KSR2: variants seen among roughly 807,000 people sequenced by gnomAD.
KSR2 encodes kinase suppressor of ras 2.
Under a neutral mutation model 107.8 loss-of-function variants are expected in KSR2, and 25 were observed. The ratio of observed to expected loss-of-function variants is 0.23; its 90% CI spans 0.17 to 0.32. KSR2 has a LOEUF of 0.32. Ranked by LOEUF, KSR2 falls within the 10% of genes least tolerant of loss-of-function variation. KSR2 has a pLI of 1.00. For missense variants in KSR2, 887 were observed against 1,268.9 expected (o/e 0.70, Z 4.57); for synonymous variants, 480 against 507.0 (o/e 0.95, Z 0.71).
Position 117,968,273 on chromosome 12 carries a change from C to T in KSR2, c.-18G>A, listed in dbSNP as rs772263520. The stretch of plus-strand genomic sequence containing the variant: ...TCATCCATCGCTTGCTCTGCAACCC[C>T]CTTCCCCTCCTCCTCCTCCCAGAGA... On this transcript the variant is annotated 5_prime_UTR_variant, in exon 1 of 20. Transcript: ENST00000339824. 5.2e-6 allele frequency: 8 copies of T among 1,552,470 alleles called. No individual in the cohort carries two copies. In the East Asian group the frequency reaches 1.6e-4, roughly 32 times the overall value.
Position 117,761,167 on chromosome 12 carries a change from G to T in KSR2, c.830C>A (p.Pro277Gln). ...CAGCTTGTTCTTCTTCCTCATGGGC[G>T]GCGTGCCCGGCGGGGTCACGGTGGT... ...IVTTVTPPGT[P>Q]PMRKKNKLKP... Residue 277 changes from proline to glutamine, a missense_variant, in exon 4 of 20, where the codon CCG becomes CAG. Transcript: ENST00000339824. 2 of 1,604,080 alleles carry T rather than the reference G, an allele frequency of 1.2e-6. No homozygotes were observed. The highest frequency in any genetic ancestry group is 1.7e-6 in the Non-Finnish European group (2 of 1,173,932).
intron 7 of KSR2, among the ~76,000 whole-genome samples, chr12:117,578,484 C>A (rs535669370): frequency 1.3e-5 from 2 of 151,990 alleles, no homozygotes; most frequent in African/African-American, 4.8e-5. Flanking sequence ...GGCCTGTAGT[C>A]CCAGCTACTC....
At position 117,457,652 on chromosome 12, in the gene KSR2, T is replaced by G. The variant is rs1223238515; in HGVS notation, c.*9547A>C. On this transcript the variant is annotated 3_prime_UTR_variant, in exon 20 of 20. Transcript: ENST00000339824. Reference sequence around the variant, plus strand: ...AGGCTTGGGGCTTTATGAGGATTGATTCCAGACAGCAAAGTCAGGGTGTGT... The same window carrying G: ...AGGCTTGGGGCTTTATGAGGATTGAGTCCAGACAGCAAAGTCAGGGTGTGT... 1 of 152,144 alleles carries G rather than the reference T, an allele frequency of 6.6e-6. No homozygotes were observed. Among genetic ancestry groups the G allele is most frequent in the Non-Finnish European group, 1.5e-5 (1 of 68,036 alleles). The allele number at this position is 152,144 out of a possible 1,614,324, so 9.4% of individuals were successfully genotyped here.
intron 5 of KSR2, among the ~76,000 whole-genome samples, chr12:117,599,513 A>G (rs1565919571): frequency 6.6e-6 from 1 of 152,138 alleles, no homozygotes. Context: ...CTAAATCGAG[A>G]ATTTCCCAAC....
At chr12:117,617,891 C>T (rs1881971696) in intron 5 of KSR2, among the ~76,000 whole-genome samples, 2 of 152,132 alleles carry the variant, frequency 1.3e-5, no homozygotes, top group South Asian at 4.2e-4. Flanking sequence ...AGATAGCTCC[C>T]AATTCTGGAA....
intron 1 of KSR2, among the ~76,000 whole-genome samples, chr12:117,899,370 G>A (rs1894613292): frequency 6.6e-6 from 1 of 152,076 alleles, no homozygotes; most frequent in African/African-American, 2.4e-5. Flanking sequence ...GCACATACCT[G>A]TAGTCCCAGC....
At chr12:117,536,581 A>T (rs1165374564) in intron 10 of KSR2, among the ~76,000 whole-genome samples, 1 of 152,240 alleles carries the variant, frequency 6.6e-6, no homozygotes, top group Non-Finnish European at 1.5e-5. Flanking sequence ...ACTGGTACAC[A>T]GACATATATA....
At chr12:117,647,287 T>C (rs555866642) in intron 5 of KSR2, among the ~76,000 whole-genome samples, 2 of 152,284 alleles carry the variant, frequency 1.3e-5, no homozygotes, top group African/African-American at 4.8e-5. Context: ...AAAGAATGGC[T>C]TTAACAGAGA....
intron 3 of KSR2, among the ~76,000 whole-genome samples, chr12:117,843,638 C>T (rs1269619710): frequency 6.6e-6 from 1 of 152,216 alleles, no homozygotes; most frequent in Non-Finnish European, 1.5e-5. Context: ...GGCTGGGGTG[C>T]TGGTCCTGTT....
chr12:117,535,945 T>A (rs1383299789), intron 10 of KSR2, among the ~76,000 whole-genome samples: 1 of 152,016 alleles, frequency 6.6e-6, no homozygotes, highest in Non-Finnish European at 1.5e-5. Flanking sequence ...GCACTCTTGA[T>A]GTCACCTTAT....
In KSR2 at chr12:117,475,252, G is replaced by T. The variant is rs142114251; in HGVS notation, c.2582+1212C>A. On this transcript the variant is annotated intron_variant, in intron 17 of 19. Transcript: ENST00000339824. ...AATGGCTCCTTAGTGCACTGAAGAT[G>T]AAATGAAAACTCCTTAACTCAACCT... is the stretch of plus-strand genomic sequence containing the variant. Among the ~76,000 whole-genome samples, 125 of 152,216 alleles carry T rather than the reference G, an allele frequency of 8.2e-4. 1 individual carries two copies. Among genetic ancestry groups the T allele is most frequent in the African/African-American group, 3.0e-3 (123 of 41,540 alleles).
Position 117,486,449 on chromosome 12 carries a change from C to T in KSR2, c.2220-758G>A, listed in dbSNP as rs535361915. ...CAAGCTGTCACTGAATGAATGAATT[C>T]TAGATTCATCATAGCACTCCCAGCC... On this transcript the variant is annotated intron_variant, in intron 14 of 19. Transcript: ENST00000339824. 1.3e-3 allele frequency among the ~76,000 whole-genome samples: 200 copies of T among 152,300 alleles called. 1 individual carries two copies. The highest frequency in any genetic ancestry group is 8.4e-4 in the Non-Finnish European group (57 of 68,036).
In KSR2 at chr12:117,460,005, C is replaced by T. The variant is rs1870811822; in HGVS notation, c.*7194G>A. Reference sequence around the variant, plus strand: ...TATCAGGCATTTAGAGATTCAACCACACAATAGTGTCTTAAAAGTTCTGAT... The same window carrying T: ...TATCAGGCATTTAGAGATTCAACCATACAATAGTGTCTTAAAAGTTCTGAT... On this transcript the variant is annotated 3_prime_UTR_variant, in exon 20 of 20. Transcript: ENST00000339824. The T allele has an allele frequency of 6.6e-6, 1 of 152,202 alleles. No homozygotes were observed. The highest frequency in any genetic ancestry group is 1.5e-5 in the Non-Finnish European group (1 of 68,040). 9.4% of individuals were successfully genotyped at this position (152,202 alleles called of 1,614,324 possible).
chr12:117,731,824 T>G (rs113052666), intron 4 of KSR2, among the ~76,000 whole-genome samples: 2 of 148,966 alleles, frequency 1.3e-5, no homozygotes, highest in Non-Finnish European at 3.0e-5. Flanking sequence ...GTTAAACAGA[T>G]GCTTGAAGGC....
intron 1 of KSR2, among the ~76,000 whole-genome samples, chr12:117,899,169 C>T (rs892849705): frequency 3.3e-5 from 5 of 152,090 alleles, no homozygotes; most frequent in Non-Finnish European, 7.4e-5. Flanking sequence ...GGGATACAAC[C>T]GTGAAATAAA....
At chr12:117,760,825 A>G (rs184597429) in intron 4 of KSR2, among the ~76,000 whole-genome samples, 186 bp downstream of exon 4, 18 of 152,342 alleles carry the variant, frequency 1.2e-4, no homozygotes, top group Non-Finnish European at 2.5e-4. Context: ...TAAACGGCCA[A>G]TTCTGGGAAA....
chr12:117,581,350 A>C (rs1879654369), intron 6 of KSR2, among the ~76,000 whole-genome samples: 1 of 152,136 alleles, frequency 6.6e-6, no homozygotes, highest in Admixed American at 6.5e-5. Flanking sequence ...AACAGGCCTT[A>C]TGTCTTGGTC....
At chr12:117,568,799 C>G (rs1025158343) in intron 7 of KSR2, among the ~76,000 whole-genome samples, 1 of 152,160 alleles carries the variant, frequency 6.6e-6, no homozygotes, top group African/African-American at 2.4e-5. Context: ...TCAGATACAA[C>G]TATAATTAGA....
rs142386064 is a variant in KSR2, at chr12:117,945,886, C to T, written c.180+22190G>A. Among the ~76,000 whole-genome samples, 56 of 152,074 alleles carry T rather than the reference C, an allele frequency of 3.7e-4. No individual in the cohort carries two copies. The East Asian group carries it at 0.01, about 28-fold the overall frequency. On this transcript the variant is annotated intron_variant, in intron 1 of 19. Coordinates refer to ENST00000339824, the MANE Select transcript of KSR2 (RefSeq NM_173598.6). Reference sequence around the variant, plus strand: ...ATACTTCTGGTAATTGGAAGTCCAGCAGAGAAACCAATAAACTAGAAATCA... The same window carrying T: ...ATACTTCTGGTAATTGGAAGTCCAGTAGAGAAACCAATAAACTAGAAATCA...
Sources: allele counts gnomAD v4.1 joint callset (sites outside exome capture counted in the v4.1 genomes callset), GRCh38; gene constraint gnomAD v4.1.1; transcripts MANE v1.5; gene names NCBI Gene and HGNC (gene_info 2026-07-23, HGNC 2026-07-21).